DUSP22: variants seen among roughly 807,000 people sequenced by gnomAD.
DUSP22 encodes the protein dual specificity protein phosphatase 22.
DUSP22 carries 24 observed loss-of-function variants against 24.5 expected under a neutral mutation model. The observed-to-expected ratio is 0.98, with a 90% CI of 0.71 to 1.38. The LOEUF is 1.38. DUSP22 is among the 40% of genes most tolerant of loss of function. The pLI is 0.00. For missense variants in DUSP22, 330 were observed against 269.2 expected (o/e 1.23, Z -1.58); for synonymous variants, 160 against 106.4 (o/e 1.50, Z -3.10).
At chr6:336,061 C>A (rs1759349765) in intron 4 of DUSP22, among the ~76,000 whole-genome samples, 1 of 152,304 alleles carries the variant, frequency 6.6e-6, no homozygotes, top group Non-Finnish European at 1.5e-5. Context: ...CTTTAGCAGT[C>A]CGTCTTGGCT....
intron 3 of DUSP22, among the ~76,000 whole-genome samples, chr6:331,976 A>C (rs1231971022): frequency 1.3e-5 from 2 of 152,308 alleles, no homozygotes; most frequent in Non-Finnish European, 1.5e-5. Context: ...TGCTGTTTGC[A>C]TGGTGTGGGC....
chr6:314,299 C>T (rs1460601410), intron 3 of DUSP22, among the ~76,000 whole-genome samples: 2 of 152,310 alleles, frequency 1.3e-5, no homozygotes, highest in East Asian at 3.8e-4. Flanking sequence ...GCTGGCTTCT[C>T]TGGGCAGCCC....
chr6:337,782 T>C (rs1206954795), intron 4 of DUSP22, among the ~76,000 whole-genome samples: 1 of 152,306 alleles, frequency 6.6e-6, no homozygotes, highest in Non-Finnish European at 1.5e-5. Context: ...CCTCCTACCC[T>C]TTTAATTAGT....
At chr6:311,706 G>T (rs974862552) in intron 2 of DUSP22, among the ~76,000 whole-genome samples, 174 bp from the exon 3 acceptor site, 4 of 152,096 alleles carry the variant, frequency 2.6e-5, no homozygotes, top group Non-Finnish European at 5.9e-5. Flanking sequence ...AATAAAGTTA[G>T]GCAAAATATA....
At chr6:343,701 A>ATGTTTGCGTGTGCATGTTTGCG (rs1561680592) in intron 4 of DUSP22, among the ~76,000 whole-genome samples, 87 of 11,668 alleles carry the variant, frequency 7.5e-3, no homozygotes, top group African/African-American at 0.036. Flanking sequence ...GCATGTTTGC[A>ATGTTTGCGTGTGCATGTTTGCG]TGTGGATGCA....
At chr6:311,469 A>G (rs1758088251) in intron 2 of DUSP22, among the ~76,000 whole-genome samples, 1 of 152,308 alleles carries the variant, frequency 6.6e-6, no homozygotes, top group Non-Finnish European at 1.5e-5. Context: ...TCACGAGGTC[A>G]GGAGATCGAG....
At chr6:315,572 G>C (rs1370839173) in intron 3 of DUSP22, among the ~76,000 whole-genome samples, 1 of 152,306 alleles carries the variant, frequency 6.6e-6, no homozygotes, top group African/African-American at 2.4e-5. Flanking sequence ...CTTTGAAAAA[G>C]GTTGTGCTAT....
chr6:345,875 T>C lies in DUSP22; in HGVS notation c.210T>C (p.Ser70=), dbSNP rs909743050. ...SQNLTRHFKE[S]IKFIHECRLR... Reference sequence around the variant, plus strand: ...CCAGGACAAGACATTTCAAAGAAAGTATTAAATTCATTCACGAGTGCCGGC... The same window carrying C: ...CCAGGACAAGACATTTCAAAGAAAGCATTAAATTCATTCACGAGTGCCGGC... Residue 70 remains serine (S), a synonymous_variant, in exon 5 of 7, where the codon AGT becomes AGC. Coordinates refer to ENST00000419235, the MANE Select transcript of DUSP22 (RefSeq NM_001286555.3). 3 of 1,614,274 alleles carry C rather than the reference T, an allele frequency of 1.9e-6. No homozygotes were observed. Among genetic ancestry groups the C allele is most frequent in the Non-Finnish European group, 2.5e-6 (3 of 1,180,028 alleles).
intron 3 of DUSP22, among the ~76,000 whole-genome samples, chr6:319,002 A>G (rs1371378250): frequency 5.9e-5 from 9 of 152,412 alleles, no homozygotes; most frequent in Non-Finnish European, 8.8e-5. Flanking sequence ...GTATTTCTGT[A>G]TTACATTTAT....
Position 348,914 on chromosome 6 carries a change from C to CTCCGCT in DUSP22, c.582_587dup (p.Pro195_Leu196dup), listed in dbSNP as rs1371705729. ...CGGTGGAGCAGTTTTCCGGCACTGGCTCCGCTGACCTACGATAATTATACG... is the reference window on the plus strand; with the variant it reads ...CGGTGGAGCAGTTTTCCGGCACTGGCTCCGCTTCCGCTGACCTACGATAATTATACG... On this transcript the variant is annotated inframe_insertion, in exon 7 of 7. Coordinates refer to ENST00000419235, the MANE Select transcript of DUSP22 (RefSeq NM_001286555.3). 1 of 1,612,334 alleles carries CTCCGCT rather than the reference C, an allele frequency of 6.2e-7. No individual in the cohort carries two copies. The highest frequency in any genetic ancestry group is 8.5e-7 in the Non-Finnish European group (1 of 1,179,066).
chr6:326,967 G>A (rs576863918), intron 3 of DUSP22, among the ~76,000 whole-genome samples: 11 of 152,426 alleles, frequency 7.2e-5, no homozygotes, highest in South Asian at 4.1e-4. Flanking sequence ...GGCTTGGCAC[G>A]CTTTGGCTGT....
intron 3 of DUSP22, among the ~76,000 whole-genome samples, chr6:313,056 G>A (rs59684447): frequency 7.8e-3 from 1,176 of 151,120 alleles, no homozygotes; most frequent in African/African-American, 0.028. Flanking sequence ...TTTTTTTGGA[G>A]CCTAACAGTT....
intron 3 of DUSP22, among the ~76,000 whole-genome samples, chr6:312,944 TC>T (rs1758174736): frequency 6.6e-6 from 1 of 152,188 alleles, no homozygotes; most frequent in Non-Finnish European, 1.5e-5. Context: ...AGCTCCTACT[TC>T]CTTGTATTGT....
rs767962218 is a variant in DUSP22, at chr6:311,899, A to G, written c.75A>G (p.Gln25=). The change falls in exon 3 of 7, where the codon CAA becomes CAG. Residue 25 remains glutamine (Q), a synonymous_variant. Coordinates refer to ENST00000419235, the MANE Select transcript of DUSP22 (RefSeq NM_001286555.3). ...TGACAGATGCCAGAGACGCGGAACA[A>G]TTGAGCAAGAACAAGGTGACACATA... is the stretch of plus-strand genomic sequence containing the variant. The part of the protein sequence containing the change: ...GNFKDARDAE[Q]LSKNKVTHIL... The G allele has an allele frequency of 5.0e-6, 8 of 1,612,602 alleles. No individual in the cohort carries two copies. Among genetic ancestry groups the G allele is most frequent in the Non-Finnish European group, 5.9e-6 (7 of 1,179,180 alleles).
chr6:336,468 G>A (rs1234261403), intron 4 of DUSP22, among the ~76,000 whole-genome samples: 2 of 152,306 alleles, frequency 1.3e-5, no homozygotes, highest in South Asian at 4.1e-4. Context: ...ATTGAACGCT[G>A]GCCATCAGCC....
At chr6:298,202 C>T (rs908785721) in intron 1 of DUSP22, among the ~76,000 whole-genome samples, 2 of 152,304 alleles carry the variant, frequency 1.3e-5, no homozygotes, top group Non-Finnish European at 2.9e-5. Context: ...TCTAAGGGCC[C>T]AGGAGAGTAT....
At chr6:311,052 C>T (rs183792588) in intron 2 of DUSP22, among the ~76,000 whole-genome samples, 599 of 152,196 alleles carry the variant, frequency 3.9e-3, no homozygotes, top group Middle Eastern at 0.01. Flanking sequence ...AATAGGGGCT[C>T]AAGTTTTTAA....
intron 3 of DUSP22, among the ~76,000 whole-genome samples, chr6:315,718 G>T (rs1208706274): frequency 6.6e-6 from 1 of 152,296 alleles, no homozygotes; most frequent in Non-Finnish European, 1.5e-5. Context: ...CACACATCCC[G>T]TCCCTTTCCA....
At chr6:318,931 G>A (rs1758454668) in intron 3 of DUSP22, among the ~76,000 whole-genome samples, 1 of 152,430 alleles carries the variant, frequency 6.6e-6, no homozygotes, top group Non-Finnish European at 1.5e-5. Flanking sequence ...AGAAAAGGAA[G>A]CAAGTTATAG....
Sources: gnomAD v4.1 joint callset for allele counts (sites outside exome capture counted in the v4.1 genomes callset) on GRCh38, gnomAD v4.1.1 for gene constraint, MANE v1.5 for transcripts, NCBI Gene and HGNC (gene_info 2026-07-23, HGNC 2026-07-21) for gene names.